KDM5A: variants seen among roughly 807,000 people sequenced by gnomAD.
KDM5A encodes the protein lysine-specific demethylase 5A.
In KDM5A, 42 loss-of-function variants were observed where a neutral mutation model predicts 193.5. The ratio of observed to expected loss-of-function variants is 0.22; its 90% confidence interval spans 0.17 to 0.28. The LOEUF is 0.28. KDM5A is among the 10% of genes least tolerant of loss of function. The pLI, the probability that KDM5A is intolerant of heterozygous loss-of-function variation, is 1.00. For missense variants in KDM5A, 1,692 were observed against 2,055.1 expected, an observed-to-expected ratio of 0.82 and a Z score of 3.42; for synonymous variants, 796 against 718.1, an observed-to-expected ratio of 1.11 and a Z score of -1.73.
chr12:379,474 C>T (rs201637407), intron 3 of KDM5A, among the ~76,000 whole-genome samples: 1 of 152,016 alleles, frequency 6.6e-6, no homozygotes, highest in South Asian at 2.1e-4. Flanking sequence ...CAGGTGTACA[C>T]ATATGAAAAT....
intron 5 of KDM5A, among the ~76,000 whole-genome samples, chr12:357,406 C>A (rs1299864589): frequency 1.3e-5 from 2 of 151,268 alleles, no homozygotes; most frequent in Non-Finnish European, 2.9e-5. Context: ...GAGACTGAGG[C>A]AGGAAGATCA....
intron 10 of KDM5A, among the ~76,000 whole-genome samples, chr12:345,746 C>G (rs188902259): frequency 3.3e-5 from 5 of 152,306 alleles, no homozygotes; most frequent in Non-Finnish European, 7.3e-5. Flanking sequence ...ATACCAGAAT[C>G]TCTGGGACAC....
At chr12:386,025 T>C (rs372659569) in intron 1 of KDM5A, 51 bp from the exon 2 acceptor site, 161 of 1,397,520 alleles carry the variant, frequency 1.2e-4, no homozygotes, top group Non-Finnish European at 1.5e-4. Context: ...AAACAAGGAA[T>C]GCATTAATTA....
At chr12:324,099 G>A (rs924153017) in intron 14 of KDM5A, among the ~76,000 whole-genome samples, 2 of 151,986 alleles carry the variant, frequency 1.3e-5, no homozygotes, top group Non-Finnish European at 2.9e-5. Flanking sequence ...TTGAAGCCAG[G>A]GATTTGAGAC....
intron 10 of KDM5A, among the ~76,000 whole-genome samples, chr12:347,758 T>A (rs1944097098): frequency 6.6e-6 from 1 of 152,114 alleles, no homozygotes; most frequent in African/African-American, 2.4e-5. Flanking sequence ...ATACAAAAAT[T>A]AATTCAAGAT....
chr12:372,785 A>G (rs1045653455), intron 3 of KDM5A, among the ~76,000 whole-genome samples: 1 of 152,192 alleles, frequency 6.6e-6, no homozygotes, highest in African/African-American at 2.4e-5. Context: ...TAATTTATTG[A>G]GAGTTTTTAG....
chr12:317,994 A>G, intron 19 of KDM5A, 112 bp downstream of exon 19: 1 of 823,562 alleles, frequency 1.2e-6, no homozygotes, highest in South Asian at 1.5e-5. Flanking sequence ...TTAAAATCCT[A>G]AACGCAAAAA....
intron 13 of KDM5A, among the ~76,000 whole-genome samples, chr12:330,867 T>C (rs1943855684): frequency 6.6e-6 from 1 of 152,120 alleles, no homozygotes. Context: ...CCCCAAAATG[T>C]TAACAGAAGC....
chr12:296,093 T>C (rs2284332), intron 25 of KDM5A, among the ~76,000 whole-genome samples: 44,917 of 151,632 alleles, frequency 0.3, 6,863 homozygotes, highest in East Asian at 0.51. Flanking sequence ...CTGAGGCGGG[T>C]GGATCACCTG....
At position 307,371 on chromosome 12, in the gene KDM5A, C is replaced by G; in HGVS notation, c.3930+83G>C. On this transcript the variant is annotated intron_variant, in intron 23 of 27. Coordinates refer to ENST00000399788, the MANE Select transcript of KDM5A (RefSeq NM_001042603.3). This position sits in a 1 kb window ranked among gnomAD's most constrained non-coding sequence, Gnocchi z 4.3. ...GACAAGTTACTGTTATTTTCCTAAT[C>G]AATTGGTAAGACAGACTCAATTTAC... 7.1e-7 allele frequency: 1 copy of G among 1,411,382 alleles called. No individual in the cohort carries two copies. Among genetic ancestry groups the G allele is most frequent in the Non-Finnish European group, 1.0e-6 (1 of 1,000,848 alleles). 87.4% of individuals were successfully genotyped at this position (1,411,382 alleles called of 1,614,324 possible). A position where few individuals can be genotyped will look rare whatever the true frequency, so the allele number is the denominator to read the frequency against.
At chr12:355,394 G>T in intron 6 of KDM5A, 145 bp from the exon 7 acceptor site, 1 of 651,764 alleles carries the variant, frequency 1.5e-6, no homozygotes, top group Non-Finnish European at 2.7e-6. Flanking sequence ...ATCTCTCACT[G>T]AAGATGAAGA....
intron 4 of KDM5A, among the ~76,000 whole-genome samples, 186 bp downstream of exon 4, chr12:365,748 A>G (rs1944349578): frequency 6.6e-6 from 1 of 152,214 alleles, no homozygotes; most frequent in Admixed American, 6.5e-5. Flanking sequence ...AAATAAGAAA[A>G]CATTCTTCAT....
At chr12:370,301 G>A (rs1944410432) in intron 3 of KDM5A, among the ~76,000 whole-genome samples, 1 of 152,206 alleles carries the variant, frequency 6.6e-6, no homozygotes, top group Non-Finnish European at 1.5e-5. Flanking sequence ...GCTGAGGCAG[G>A]AGAATCACTT....
intron 14 of KDM5A, among the ~76,000 whole-genome samples, chr12:325,213 T>C (rs1434221065): frequency 1.3e-5 from 2 of 152,230 alleles, no homozygotes; most frequent in Admixed American, 6.5e-5. Context: ...TCAAAATGCA[T>C]TGCACGTATT....
chr12:317,691 C>A (rs1489225075), intron 19 of KDM5A, among the ~76,000 whole-genome samples: 2 of 152,188 alleles, frequency 1.3e-5, no homozygotes, highest in African/African-American at 2.4e-5. Flanking sequence ...GAGCCAGACC[C>A]AGGAGAACCC....
chr12:306,961 A>G lies in KDM5A; in HGVS notation c.4059T>C (p.Tyr1353=), dbSNP rs1413960489. The part of the protein sequence containing the change: ...TDSDEDIRET[Y]GYDMKDTASV... Reference sequence around the variant, plus strand: ...ATGTAACTACCTTCATGTCGTAGCCATATGTCTCTCGAATGTCTTCATCAG... The same window carrying G: ...ATGTAACTACCTTCATGTCGTAGCCGTATGTCTCTCGAATGTCTTCATCAG... Residue 1353 remains tyrosine (Y), a synonymous_variant, in exon 24 of 28, where the codon TAT becomes TAC. Coordinates refer to ENST00000399788, the MANE Select transcript of KDM5A (RefSeq NM_001042603.3). The G allele has an allele frequency of 1.9e-6, 3 of 1,613,478 alleles. No individual in the cohort carries two copies. The highest frequency in any genetic ancestry group is 2.5e-6 in the Non-Finnish European group (3 of 1,179,954).
chr12:287,137 G>A (rs962886076), intron 27 of KDM5A, among the ~76,000 whole-genome samples: 2 of 152,094 alleles, frequency 1.3e-5, no homozygotes, highest in Non-Finnish European at 2.9e-5. Context: ...TACACAAAAC[G>A]TTCTGCACCT....
intron 1 of KDM5A, among the ~76,000 whole-genome samples, chr12:387,832 C>A (rs1171561558): frequency 2.6e-5 from 4 of 152,128 alleles, no homozygotes; most frequent in Admixed American, 1.3e-4. Flanking sequence ...TAATACGCTG[C>A]GGTGCCTATC....
In KDM5A at chr12:389,106, G is replaced by A. The variant is rs757934909; in HGVS notation, c.-15C>T. ...ACGCCCGCCATTGCAACGGCCGGGG[G>A]GGGGGGGGGGTCCCCGTGGGGAACC... On this transcript the variant is annotated 5_prime_UTR_variant, in exon 1 of 28. Transcript: ENST00000399788. 6 of 1,329,752 alleles carry A rather than the reference G, an allele frequency of 4.5e-6. No individual in the cohort carries two copies. The highest frequency in any genetic ancestry group is 5.0e-6 in the Non-Finnish European group (5 of 997,918). 82.4% of individuals were successfully genotyped at this position (1,329,752 alleles called of 1,614,324 possible).
Sources: allele counts gnomAD v4.1 joint callset (sites outside exome capture counted in the v4.1 genomes callset), GRCh38; gene constraint gnomAD v4.1.1; non-coding constraint Gnocchi (gnomAD v3.1); transcripts MANE v1.5; gene names NCBI Gene and HGNC (gene_info 2026-07-23, HGNC 2026-07-21).